The following CEP128 variants were observed in gnomAD, a reference collection of about 807,000 sequenced individuals.
The protein encoded by CEP128 is centrosomal protein 128kDa.
Under a neutral mutation model 156.7 loss-of-function variants are expected in CEP128, and 132 were observed. The observed-to-expected ratio is 0.84, with a 90% CI of 0.73 to 0.97. The LOEUF is 0.97. CEP128 is among the 50% of genes least tolerant of loss of function. The pLI, the probability that CEP128 is intolerant of heterozygous loss-of-function variation, is 0.00. For synonymous variants in CEP128, 469 were observed against 448.9 expected (o/e 1.04, Z -0.57); for missense variants, 1,252 against 1,281.9 (o/e 0.98, Z 0.36).
At chr14:80,626,324 C>G (rs1389941586) in intron 19 of CEP128, among the ~76,000 whole-genome samples, 2 of 151,108 alleles carry the variant, frequency 1.3e-5, no homozygotes, top group Non-Finnish European at 2.9e-5. Flanking sequence ...ATTAGCCGGG[C>G]GCGGTGGCGG....
chr14:80,701,268 G>A (rs1373228854), intron 19 of CEP128, among the ~76,000 whole-genome samples: 1 of 152,094 alleles, frequency 6.6e-6, no homozygotes, highest in African/African-American at 2.4e-5. Context: ...GTGTAGCTGG[G>A]GCACCTACCG....
chr14:80,810,354 T>C (rs368910055), intron 13 of CEP128, among the ~76,000 whole-genome samples: 1 of 99,066 alleles, frequency 1.0e-5, no homozygotes, highest in Non-Finnish European at 2.2e-5. Context: ...AAAAAGAATA[T>C]ACAAAACAGC....
At chr14:80,500,795 T>C (rs1452199198) in intron 24 of CEP128, among the ~76,000 whole-genome samples, 2 of 152,212 alleles carry the variant, frequency 1.3e-5, no homozygotes, top group Non-Finnish European at 2.9e-5. Context: ...CCTCACCCCA[T>C]ACTCCCAATA....
intron 19 of CEP128, among the ~76,000 whole-genome samples, chr14:80,738,499 T>C (rs1898648222): frequency 6.6e-6 from 1 of 152,016 alleles, no homozygotes. Context: ...GATTTTTAGA[T>C]AGAAAAAATC....
intron 9 of CEP128, among the ~76,000 whole-genome samples, chr14:80,845,510 T>C (rs1455780836): frequency 6.6e-6 from 1 of 152,156 alleles, no homozygotes; most frequent in Non-Finnish European, 1.5e-5. Context: ...AATATAATAC[T>C]TCATTTGACT....
At chr14:80,782,723 T>C (rs548127241) in intron 15 of CEP128, among the ~76,000 whole-genome samples, 3 of 152,066 alleles carry the variant, frequency 2.0e-5, no homozygotes, top group Non-Finnish European at 4.4e-5. Context: ...TCCCCTCACA[T>C]CTCCTCATGT....
intron 13 of CEP128, among the ~76,000 whole-genome samples, chr14:80,825,267 C>T (rs1449647579): frequency 6.6e-6 from 1 of 152,172 alleles, no homozygotes; most frequent in African/African-American, 2.4e-5. Context: ...GCTACCACAC[C>T]CAGCTATTTT....
chr14:80,653,027 T>C (rs1894976237), intron 19 of CEP128, among the ~76,000 whole-genome samples: 1 of 152,174 alleles, frequency 6.6e-6, no homozygotes, highest in Non-Finnish European at 1.5e-5. Context: ...GAGGAGTTCA[T>C]GTCCTTTGCA....
chr14:80,505,284 T>C (rs992332024), intron 23 of CEP128, among the ~76,000 whole-genome samples: 1 of 152,248 alleles, frequency 6.6e-6, no homozygotes, highest in Admixed American at 6.5e-5. Context: ...TAAAACTTTG[T>C]GTTTAACTTA....
In CEP128 at chr14:80,807,705, A is replaced by C. The variant is rs369665318; in HGVS notation, c.1210-14595T>G. On this transcript the variant is annotated intron_variant, in intron 13 of 24. Coordinates refer to ENST00000555265, the MANE Select transcript of CEP128 (RefSeq NM_152446.5). ...AAGGACAGAGATCTGAACATCCCGT[A>C]AGGGCCCTGCACCAGACGGGAACTT... Among the ~76,000 whole-genome samples, 4 of 152,304 alleles carry C rather than the reference A, an allele frequency of 2.6e-5. No homozygotes were observed. In the East Asian group the frequency reaches 5.8e-4, roughly 22 times the overall value.
chr14:80,590,984 C>T (rs1892034814), intron 19 of CEP128, among the ~76,000 whole-genome samples: 1 of 152,132 alleles, frequency 6.6e-6, no homozygotes, highest in Admixed American at 6.5e-5. Context: ...ACCGGGCCAG[C>T]CTTGCAAGAG....
At chr14:80,683,106 G>A (rs1896386810) in intron 19 of CEP128, among the ~76,000 whole-genome samples, 1 of 151,906 alleles carries the variant, frequency 6.6e-6, no homozygotes, top group Non-Finnish European at 1.5e-5. Context: ...CTTCACAACA[G>A]GATCAAAACC....
chr14:80,568,475 G>A (rs1891008501), intron 20 of CEP128, among the ~76,000 whole-genome samples: 1 of 149,186 alleles, frequency 6.7e-6, no homozygotes, highest in Non-Finnish European at 1.5e-5. Flanking sequence ...AAGGAACATT[G>A]TAATGGAGAC....
At chr14:80,795,786 A>T (rs937301565) in intron 13 of CEP128, among the ~76,000 whole-genome samples, 24 of 152,140 alleles carry the variant, frequency 1.6e-4, no homozygotes, top group African/African-American at 4.8e-4. Flanking sequence ...GGATACCCCA[A>T]ATATGTCCTA....
intron 19 of CEP128, among the ~76,000 whole-genome samples, chr14:80,643,793 G>A (rs1049579237): frequency 6.6e-6 from 1 of 152,104 alleles, no homozygotes; most frequent in African/African-American, 2.4e-5. Flanking sequence ...AGCAAAGCCT[G>A]GTGGCAGAAA....
chr14:80,838,544 TCTC>T (rs1336813988), intron 10 of CEP128, among the ~76,000 whole-genome samples: 1 of 152,056 alleles, frequency 6.6e-6, no homozygotes, highest in African/African-American at 2.4e-5. Flanking sequence ...AGTCCAAGTC[TCTC>T]CTCCTCTGGC....
rs1885724313 is a variant in CEP128, at chr14:80,830,350, G to A, written c.1209+793C>T. On this transcript the variant is annotated intron_variant, in intron 13 of 24. Coordinates refer to ENST00000555265, the MANE Select transcript of CEP128 (RefSeq NM_152446.5). Reference sequence around the variant, plus strand: ...ATTTCCTTTGGGTTATATAAAATTAGGTGCTTTTAACACTAATTTTCTACC... The same window carrying A: ...ATTTCCTTTGGGTTATATAAAATTAAGTGCTTTTAACACTAATTTTCTACC... 1.2e-5 allele frequency: 5 copies of A among 431,254 alleles called. No homozygotes were observed. In the East Asian group the frequency reaches 1.7e-4, roughly 15 times the overall value. 26.7% of individuals were successfully genotyped at this position (431,254 alleles called of 1,614,324 possible).
At chr14:80,762,520 G>T (rs1220070769) in intron 16 of CEP128, among the ~76,000 whole-genome samples, 2 of 152,076 alleles carry the variant, frequency 1.3e-5, no homozygotes, top group African/African-American at 2.4e-5. Context: ...CACTCATTAA[G>T]AATTAATCAT....
intron 18 of CEP128, among the ~76,000 whole-genome samples, chr14:80,751,278 T>A (rs1429418486): frequency 1.3e-5 from 2 of 152,190 alleles, no homozygotes; most frequent in Non-Finnish European, 1.5e-5. Flanking sequence ...ATAGTTAGAT[T>A]TTTTTTATGA....
Sources: gnomAD v4.1 joint callset for allele counts (sites outside exome capture counted in the v4.1 genomes callset) on GRCh38, gnomAD v4.1.1 for gene constraint, MANE v1.5 for transcripts, NCBI Gene and HGNC (gene_info 2026-07-23, HGNC 2026-07-21) for gene names.